The following SHANK2 variants were observed in gnomAD, a reference collection of about 807,000 sequenced individuals.
SHANK2 encodes the protein SH3 and multiple ankyrin repeat domains protein 2.
In SHANK2, 43 loss-of-function variants were observed where a neutral mutation model predicts 133.7. The ratio of observed to expected loss-of-function variants is 0.32; its 90% CI spans 0.25 to 0.41. SHANK2 has a LOEUF of 0.41. SHANK2 is among the 10% of genes least tolerant of loss of function. The pLI, the probability that SHANK2 is intolerant of heterozygous loss-of-function variation, is 1.00. For synonymous variants in SHANK2, 1,017 were observed against 952.8 expected (o/e 1.07, Z -1.24); for missense variants, 1,994 against 2,235.8 (o/e 0.89, Z 2.18).
At chr11:70,862,521 G>A (rs1211723174) in intron 11 of SHANK2, among the ~76,000 whole-genome samples, 1 of 152,166 alleles carries the variant, frequency 6.6e-6, no homozygotes, top group East Asian at 1.9e-4. Flanking sequence ...TGATGGACTG[G>A]ACTGGCTGAT....
rs148761232 is a variant in SHANK2 at position 71,222,904 on chromosome 11, C to G, written c.-13+1793G>C. ...AGGGACAAGTATGCAGCATCGGCCA[C>G]AGACGAGGGGGACTGTGGAGGATAC... On this transcript the variant is annotated intron_variant, in intron 2 of 25. Coordinates refer to ENST00000601538, the MANE Select transcript of SHANK2 (RefSeq NM_012309.5). Among the ~76,000 whole-genome samples the G allele has an allele frequency of 1.6e-3, 249 of 152,360 alleles. 1 individual carries two copies. Among genetic ancestry groups the G allele is most frequent in the African/African-American group, 5.8e-3 (243 of 41,586 alleles).
chr11:70,910,977 T>C (rs1555078882), intron 10 of SHANK2: 1 of 457,036 alleles, frequency 2.2e-6, no homozygotes, highest in Admixed American at 2.3e-5. Flanking sequence ...TAAGCCATGA[T>C]GATGCATCCC....
intron 5 of SHANK2, among the ~76,000 whole-genome samples, chr11:71,112,628 G>T (rs1555099559): frequency 6.6e-6 from 1 of 152,136 alleles, no homozygotes; most frequent in African/African-American, 2.4e-5. Flanking sequence ...AGCACCAGGG[G>T]CCAGGGGCCA....
chr11:70,559,594 G>A (rs2059880835), intron 17 of SHANK2, among the ~76,000 whole-genome samples: 1 of 152,142 alleles, frequency 6.6e-6, no homozygotes, highest in South Asian at 2.1e-4. Context: ...CTTTCCTGGG[G>A]ACACACCTGG....
intron 17 of SHANK2, among the ~76,000 whole-genome samples, chr11:70,549,557 G>A (rs1170599399): frequency 2.0e-5 from 3 of 152,220 alleles, no homozygotes; most frequent in Non-Finnish European, 4.4e-5. Context: ...AGGCAGTGTG[G>A]CCAGGGGCAG....
At chr11:70,801,137 G>T (rs1202980839) in intron 13 of SHANK2, among the ~76,000 whole-genome samples, 4 of 152,222 alleles carry the variant, frequency 2.6e-5, no homozygotes, top group African/African-American at 2.4e-5. Flanking sequence ...CAACACTCCT[G>T]CCTGACTTTC....
intron 14 of SHANK2, among the ~76,000 whole-genome samples, chr11:70,725,848 A>G (rs1432013566): frequency 2.0e-5 from 3 of 152,242 alleles, no homozygotes; most frequent in African/African-American, 7.2e-5. Context: ...CATGGGGGGA[A>G]GAACAGCCAC....
intron 2 of SHANK2, among the ~76,000 whole-genome samples, chr11:71,204,954 C>T (rs1303513496): frequency 1.3e-5 from 2 of 152,086 alleles, no homozygotes; most frequent in Non-Finnish European, 2.9e-5. Context: ...ACAGCTAGCT[C>T]GGGTGATGTC....
chr11:70,659,149 T>C (rs1358297779), intron 17 of SHANK2, among the ~76,000 whole-genome samples: 4 of 152,168 alleles, frequency 2.6e-5, no homozygotes, highest in African/African-American at 9.7e-5. Context: ...CACACCAACG[T>C]GCCAACCGTA....
chr11:70,492,229 A>G (rs1441114298), intron 22 of SHANK2, 106 bp downstream of exon 22: 2 of 1,537,796 alleles, frequency 1.3e-6, no homozygotes, highest in Admixed American at 1.7e-5. Flanking sequence ...TCTGGACAGC[A>G]CGAACCAGAC....
chr11:70,712,702 G>A (rs575750990), intron 14 of SHANK2, among the ~76,000 whole-genome samples: 100 of 152,340 alleles, frequency 6.6e-4, no homozygotes, highest in Middle Eastern at 3.4e-3. Context: ...CACTCAGACT[G>A]AGCCGCCAGC....
At chr11:70,573,529 T>G (rs1306102038) in intron 17 of SHANK2, among the ~76,000 whole-genome samples, 1 of 86,814 alleles carries the variant, frequency 1.2e-5, no homozygotes, top group African/African-American at 4.3e-5. Flanking sequence ...GGTTGCCCCA[T>G]GTGTCTGTGT....
chr11:70,832,541 C>A (rs1251750736), intron 11 of SHANK2, among the ~76,000 whole-genome samples: 2 of 152,196 alleles, frequency 1.3e-5, no homozygotes, highest in Non-Finnish European at 2.9e-5. Context: ...TGGCAGTGAT[C>A]CCTAGTGCTC....
At chr11:70,641,010 T>C (rs1555006125) in intron 17 of SHANK2, among the ~76,000 whole-genome samples, 1 of 152,162 alleles carries the variant, frequency 6.6e-6, no homozygotes, top group Admixed American at 6.5e-5. Flanking sequence ...CATCCCTCCC[T>C]GATGAAAAAT....
intron 11 of SHANK2, among the ~76,000 whole-genome samples, chr11:70,880,181 T>G (rs2135576040): frequency 6.6e-6 from 1 of 152,352 alleles, no homozygotes; most frequent in Middle Eastern, 3.4e-3. Context: ...GGCAGCCTGA[T>G]GTCTACTCTG....
intron 10 of SHANK2, among the ~76,000 whole-genome samples, chr11:70,937,121 C>T (rs1950582563): frequency 6.6e-6 from 1 of 152,178 alleles, no homozygotes; most frequent in Non-Finnish European, 1.5e-5. Context: ...CTTACCAGCC[C>T]TGTACAAGCT....
chr11:70,791,202 G>A (rs894225466), intron 14 of SHANK2, among the ~76,000 whole-genome samples: 10 of 152,182 alleles, frequency 6.6e-5, no homozygotes, highest in African/African-American at 2.4e-4. Flanking sequence ...CTGATCAAGT[G>A]CAACACCACC....
intron 21 of SHANK2, among the ~76,000 whole-genome samples, chr11:70,493,262 G>A (rs113814252): frequency 0.015 from 2,266 of 149,376 alleles, 21 homozygotes; most frequent in Non-Finnish European, 0.025. Flanking sequence ...GCCACCCAAG[G>A]CAGCGTGGGT....
At chr11:71,250,780 C>T (rs1555125709) in intron 1 of SHANK2, among the ~76,000 whole-genome samples, 1 of 152,086 alleles carries the variant, frequency 6.6e-6, no homozygotes, top group Non-Finnish European at 1.5e-5. Flanking sequence ...CTGCCAGGTC[C>T]TTTTCCAGGG....
Sources: allele counts gnomAD v4.1 joint callset (sites outside exome capture counted in the v4.1 genomes callset), GRCh38; gene constraint gnomAD v4.1.1; transcripts MANE v1.5; gene names NCBI Gene and HGNC (gene_info 2026-07-23, HGNC 2026-07-21).